The following DNAH8 variants were observed in gnomAD, a reference collection of about 807,000 sequenced individuals.
DNAH8 encodes the protein axonemal beta dynein heavy chain 8.
Under a neutral mutation model 562.1 loss-of-function variants are expected in DNAH8, and 382 were observed. That is an observed-to-expected ratio of 0.68 (90% CI 0.63 to 0.74). The LOEUF (loss-of-function observed/expected upper bound fraction) is 0.74, where lower values mean the gene tolerates loss of function less well. Among genes scored for constraint, DNAH8 ranks in the 30% least tolerant of loss-of-function variants. The pLI is 0.00. For synonymous variants in DNAH8, 1,881 were observed against 1,919.4 expected, an observed-to-expected ratio of 0.98 and a Z score of 0.52; for missense variants, 5,203 against 5,620.4, an observed-to-expected ratio of 0.93 and a Z score of 2.37.
chr6:39,022,683 C>A (rs987476716), intron 91 of DNAH8, among the ~76,000 whole-genome samples: 1 of 152,192 alleles, frequency 6.6e-6, no homozygotes, highest in Non-Finnish European at 1.5e-5. Context: ...CAAGAAACCT[C>A]TGGGGTCTTG....
At chr6:38,790,736 T>A (rs1204063659) in intron 20 of DNAH8, among the ~76,000 whole-genome samples, 1 of 151,584 alleles carries the variant, frequency 6.6e-6, no homozygotes, top group Non-Finnish European at 1.5e-5. Flanking sequence ...GGCAAGAGAA[T>A]CGTTTGAACC....
intron 24 of DNAH8, among the ~76,000 whole-genome samples, chr6:38,809,917 T>A (rs2150310960): frequency 6.6e-6 from 1 of 152,344 alleles, no homozygotes; most frequent in South Asian, 2.1e-4. Flanking sequence ...CTGTATTAAT[T>A]CTGATTCCTC....
Position 38,805,710 on chromosome 6 carries a change from A to G in DNAH8, c.3150+114A>G, listed in dbSNP as rs1215975348. 22 of 582,156 alleles carry G rather than the reference A, an allele frequency of 3.8e-5. No homozygotes were observed. The Admixed American group carries it at 6.8e-4, about 18-fold the overall frequency. The allele number at this position is 582,156 out of a possible 1,614,324, so 36.1% of individuals were successfully genotyped here. A position where few individuals can be genotyped will look rare whatever the true frequency, so the allele number is the denominator to read the frequency against. ...TTCTGCAACCAATCTAATTTCTAAC[A>G]AAATACAGAAAGTATAATTTTCAAT... On this transcript the variant is annotated intron_variant, in intron 23 of 92. Coordinates refer to ENST00000327475, the MANE Select transcript of DNAH8 (RefSeq NM_001206927.2).
intron 85 of DNAH8, among the ~76,000 whole-genome samples, chr6:38,980,426 A>G (rs1210610188): frequency 1.3e-5 from 2 of 152,226 alleles, no homozygotes; most frequent in Non-Finnish European, 1.5e-5. Context: ...ACCTAGGACC[A>G]CACAGTCTCT....
At chr6:38,927,492 A>G (rs1461117448) in intron 74 of DNAH8, among the ~76,000 whole-genome samples, 1 of 152,230 alleles carries the variant, frequency 6.6e-6, no homozygotes, top group Non-Finnish European at 1.5e-5. Flanking sequence ...ATAGAAGAGA[A>G]GAGTTAAAAG....
chr6:38,785,908 A>T (rs984932477), intron 17 of DNAH8, among the ~76,000 whole-genome samples: 1 of 152,236 alleles, frequency 6.6e-6, no homozygotes, highest in South Asian at 2.1e-4. Context: ...AGAGATATAC[A>T]AACTATTTTA....
intron 83 of DNAH8, 55 bp downstream of exon 83, chr6:38,971,720 C>T (rs752833077): frequency 5.2e-6 from 7 of 1,348,580 alleles, no homozygotes; most frequent in Admixed American, 2.2e-5. Context: ...ACCCCACAAT[C>T]ATGGATGTTA....
Position 38,882,984 on chromosome 6 carries a change from A to G in DNAH8, c.7933A>G (p.Ile2645Val). ...PTDSIPEYSS[I>V]LVPNVDNIRT... ...TGACAGTATTCCGGAATATTCATCAATTTTGGTTCCAAATGTTGACAATAT... is the reference window on the plus strand; with the variant it reads ...TGACAGTATTCCGGAATATTCATCAGTTTTGGTTCCAAATGTTGACAATAT... The change falls in exon 54 of 93, where the codon ATT (isoleucine) becomes GTT (valine). Residue 2645 changes from isoleucine (I) to valine (V), a missense_variant. Physicochemically the swap from Ile to Val is conservative, Grantham distance 29 (BLOSUM62 3). Coordinates refer to ENST00000327475, the MANE Select transcript of DNAH8 (RefSeq NM_001206927.2). 1 of 1,605,934 alleles carries G rather than the reference A, an allele frequency of 6.2e-7. No homozygotes were observed. The highest frequency in any genetic ancestry group is 8.5e-7 in the Non-Finnish European group (1 of 1,177,110).
intron 15 of DNAH8, among the ~76,000 whole-genome samples, chr6:38,780,930 A>C (rs1340805855): frequency 6.6e-6 from 1 of 152,208 alleles, no homozygotes; most frequent in Non-Finnish European, 1.5e-5. Context: ...TGCCTATAGA[A>C]ATATGGGCTC....
chr6:38,730,482 C>T (rs1763579889), intron 4 of DNAH8, among the ~76,000 whole-genome samples: 1 of 152,150 alleles, frequency 6.6e-6, no homozygotes, highest in Admixed American at 6.5e-5. Context: ...ATGTGGGTTT[C>T]CCTTTTGGTC....
chr6:38,936,128 C>T (rs1443194632), intron 77 of DNAH8, among the ~76,000 whole-genome samples: 2 of 151,636 alleles, frequency 1.3e-5, no homozygotes, highest in Non-Finnish European at 2.9e-5. Flanking sequence ...GCGGGTGGAT[C>T]ACCTGAGGTC....
At chr6:38,810,917 T>G (rs1246298986) in intron 24 of DNAH8, among the ~76,000 whole-genome samples, 1 of 152,326 alleles carries the variant, frequency 6.6e-6, no homozygotes, top group East Asian at 1.9e-4. Context: ...CATAACATTT[T>G]GGCTGGATAT....
At chr6:38,752,650 C>T (rs985768440) in intron 9 of DNAH8, among the ~76,000 whole-genome samples, 2 of 152,016 alleles carry the variant, frequency 1.3e-5, no homozygotes, top group African/African-American at 4.8e-5. Context: ...TGGCCTATAT[C>T]ACTTAGACTT....
At chr6:38,880,425 A>G (rs1413602035) in intron 53 of DNAH8, among the ~76,000 whole-genome samples, 1 of 152,196 alleles carries the variant, frequency 6.6e-6, no homozygotes, top group Admixed American at 6.5e-5. Context: ...GCTATTTGAA[A>G]TAGCAAAATC....
chr6:38,803,358 G>T (rs373125652), intron 22 of DNAH8, 47 bp downstream of exon 22: 1 of 1,500,504 alleles, frequency 6.7e-7, no homozygotes, highest in Non-Finnish European at 9.1e-7. Flanking sequence ...CTACAGATTC[G>T]TTCTTATGTA....
In DNAH8 at chr6:38,973,731, T is replaced by C. The variant is rs766816061; in HGVS notation, c.12596T>C (p.Ile4199Thr). 3.1e-6 allele frequency: 5 copies of C among 1,610,864 alleles called. No individual in the cohort carries two copies. In the Admixed American group the frequency reaches 8.4e-5, roughly 27 times the overall value. ...EFMEELLETLITTEASDDSFR... is the reference protein window; with the variant it reads ...EFMEELLETLTTTEASDDSFR... The stretch of plus-strand genomic sequence containing the variant: ...ATGGAAGAATTACTAGAGACGCTAA[T>C]TACCACTGAAGCCAGTGATGATTCT... Residue 4199 changes from isoleucine (I) to threonine (T), a missense_variant, in exon 84 of 93, where the codon ATT (isoleucine) becomes ACT (threonine). Ile to Thr is a moderately conservative substitution (Grantham distance 89). Coordinates refer to ENST00000327475, the MANE Select transcript of DNAH8 (RefSeq NM_001206927.2).
intron 22 of DNAH8, among the ~76,000 whole-genome samples, chr6:38,804,287 T>G (rs779124593): frequency 6.6e-6 from 1 of 152,248 alleles, no homozygotes; most frequent in Non-Finnish European, 1.5e-5. Flanking sequence ...CACGGGACTT[T>G]TAGCTTTGCT....
At chr6:38,982,215 A>C in intron 85 of DNAH8, 131 bp from the exon 86 acceptor site, 1 of 623,476 alleles carries the variant, frequency 1.6e-6, no homozygotes, top group Non-Finnish European at 2.9e-6. Context: ...TATATCCAAA[A>C]TTGTATATAC....
chr6:38,855,995 A>G (rs1419298230), intron 41 of DNAH8, among the ~76,000 whole-genome samples: 2 of 152,216 alleles, frequency 1.3e-5, no homozygotes, highest in Admixed American at 6.5e-5. Flanking sequence ...ATTGTCTTCC[A>G]TGAAACCAGT....
Sources: allele counts gnomAD v4.1 joint callset (sites outside exome capture counted in the v4.1 genomes callset), GRCh38; gene constraint gnomAD v4.1.1; transcripts MANE v1.5; gene names NCBI Gene and HGNC (gene_info 2026-07-23, HGNC 2026-07-21).